BCAS3: variants seen among roughly 807,000 people sequenced by gnomAD.
BCAS3 encodes the protein BCAS4/BCAS3 fusion.
BCAS3 carries 53 observed loss-of-function variants against 116.1 expected under a neutral mutation model. The observed-to-expected ratio is 0.46, with a 90% CI of 0.37 to 0.57. BCAS3 has a LOEUF of 0.57. Ranked by LOEUF, BCAS3 falls within the 20% of genes least tolerant of loss-of-function variation. The pLI, the probability that BCAS3 is intolerant of heterozygous loss-of-function variation, is 0.00. For synonymous variants in BCAS3, 391 were observed against 408.2 expected (o/e 0.96, Z 0.51); for missense variants, 917 against 1,165.4 (o/e 0.79, Z 3.10).
Position 61,136,191 on chromosome 17 carries a change from A to G in BCAS3, c.2425+51627A>G, listed in dbSNP as rs1354341580. ...CGTGCTCTTCCCTCTACATAAAATC[A>G]TTTCTTTCCATCCTGAGTACCCATG... is the stretch of plus-strand genomic sequence containing the variant. On this transcript the variant is annotated intron_variant, in intron 22 of 23. Transcript: ENST00000407086. The surrounding 1 kb of genome is among the most constrained non-coding windows in gnomAD (Gnocchi z 4.4). 6.6e-6 allele frequency among the ~76,000 whole-genome samples: 1 copy of G among 152,008 alleles called. No individual in the cohort carries two copies. The highest frequency in any genetic ancestry group is 1.9e-4 in the East Asian group (1 of 5,194).
At position 61,387,286 on chromosome 17, in the gene BCAS3, G is replaced by A. The variant is rs1189505447; in HGVS notation, c.2594-4691G>A. Among the ~76,000 whole-genome samples the A allele has an allele frequency of 6.6e-6, 1 of 152,210 alleles. No homozygotes were observed. The highest frequency in any genetic ancestry group is 2.4e-5 in the African/African-American group (1 of 41,466). On this transcript the variant is annotated intron_variant, in intron 23 of 23. Transcript: ENST00000407086. The surrounding 1 kb of genome is among the most constrained non-coding windows in gnomAD (Gnocchi z 6.2). ...GCCCAGCTCAGGAGTAGGACAAGGTGTGGGCAGCCATGCCCTTGCCTCCTC... is the reference window on the plus strand; with the variant it reads ...GCCCAGCTCAGGAGTAGGACAAGGTATGGGCAGCCATGCCCTTGCCTCCTC...
chr17:61,231,274 TG>T (rs1456130128), intron 22 of BCAS3, among the ~76,000 whole-genome samples: 1 of 152,186 alleles, frequency 6.6e-6, no homozygotes, highest in Non-Finnish European at 1.5e-5. Context: ...CATTTTTTAG[TG>T]TTTTTAATTT....
At chr17:61,206,063 G>T (rs2081105149) in intron 22 of BCAS3, among the ~76,000 whole-genome samples, 1 of 152,116 alleles carries the variant, frequency 6.6e-6, no homozygotes, top group Non-Finnish European at 1.5e-5. Context: ...ACGTCTGTAG[G>T]TTTTTTTCAT....
At position 61,215,619 on chromosome 17, in the gene BCAS3, A is replaced by G. The variant is rs1428541028; in HGVS notation, c.2425+131055A>G. Among the ~76,000 whole-genome samples, 1 of 152,230 alleles carries G rather than the reference A, an allele frequency of 6.6e-6. No homozygotes were observed. The highest frequency in any genetic ancestry group is 1.5e-5 in the Non-Finnish European group (1 of 68,050). ...TTAAGCCACTTAAGCTCAAACTAAA[A>G]TTGTTAGAATTTAAAGAAGTGTGGA... On this transcript the variant is annotated intron_variant, in intron 22 of 23. Transcript: ENST00000407086. The surrounding 1 kb of genome is among the most constrained non-coding windows in gnomAD (Gnocchi z 4.8).
At chr17:60,755,835 T>C (rs932881256) in intron 6 of BCAS3, among the ~76,000 whole-genome samples, 1 of 152,232 alleles carries the variant, frequency 6.6e-6, no homozygotes, top group African/African-American at 2.4e-5. Flanking sequence ...TTTTACATGT[T>C]ATGCGGTACT....
At chr17:61,191,286 A>T (rs780856976) in intron 22 of BCAS3, among the ~76,000 whole-genome samples, 12 of 152,154 alleles carry the variant, frequency 7.9e-5, no homozygotes, top group Non-Finnish European at 1.2e-4. Flanking sequence ...GCCATAAAGT[A>T]ATACTTTAAT....
chr17:60,895,053 G>C (rs2145028575), intron 10 of BCAS3, among the ~76,000 whole-genome samples: 1 of 152,084 alleles, frequency 6.6e-6, no homozygotes, highest in South Asian at 2.1e-4. Context: ...GTCTGGTTTT[G>C]GTATCAGATG....
intron 6 of BCAS3, among the ~76,000 whole-genome samples, chr17:60,791,255 A>G (rs2046746110): frequency 6.6e-6 from 1 of 152,236 alleles, no homozygotes; most frequent in Admixed American, 6.5e-5. Flanking sequence ...GTTAAAAAGT[A>G]TTAGTTAAGT....
intron 6 of BCAS3, among the ~76,000 whole-genome samples, chr17:60,770,505 G>A (rs535649067): frequency 2.3e-5 from 3 of 132,288 alleles, no homozygotes; most frequent in Non-Finnish European, 4.7e-5. Flanking sequence ...TGCAACCTCC[G>A]ACTCCCTGGT....
intron 6 of BCAS3, among the ~76,000 whole-genome samples, chr17:60,777,798 T>C (rs949510664): frequency 1.3e-5 from 2 of 152,182 alleles, no homozygotes; most frequent in Non-Finnish European, 2.9e-5. Flanking sequence ...CGGAAGTCAT[T>C]ATCCATCATC....
rs139935568 is a variant in BCAS3, at chr17:61,169,904, T to C, written c.2425+85340T>C. 5.1e-3 allele frequency among the ~76,000 whole-genome samples: 781 copies of C among 151,804 alleles called. 5 individuals are homozygous for C. The highest frequency in any genetic ancestry group is 0.018 in the African/African-American group (745 of 41,418). On this transcript the variant is annotated intron_variant, in intron 22 of 23. Transcript: ENST00000407086. ...GAGTCTTGCACTGTCGCCCAGGCTG[T>C]AGTGCAGTGATGCGATCTTGGCTCA...
chr17:61,197,077 C>T (rs1484986044), intron 22 of BCAS3, among the ~76,000 whole-genome samples: 1 of 152,134 alleles, frequency 6.6e-6, no homozygotes, highest in African/African-American at 2.4e-5. Context: ...TAACAAATAC[C>T]GTTTTCCTGG....
chr17:61,196,170 A>G lies in BCAS3; in HGVS notation c.2425+111606A>G, dbSNP rs1024983830. Among the ~76,000 whole-genome samples, 1 of 152,202 alleles carries G rather than the reference A, an allele frequency of 6.6e-6. No homozygotes were observed. The highest frequency in any genetic ancestry group is 1.5e-5 in the Non-Finnish European group (1 of 68,030). ...TCTTGCTCTGACCCTATCTGAAATC[A>G]GTGTAGTCTGAACTACTAGAGAGAC... On this transcript the variant is annotated intron_variant, in intron 22 of 23. Transcript: ENST00000407086. This position sits in a 1 kb window ranked among gnomAD's most constrained non-coding sequence, Gnocchi z 4.7.
chr17:60,998,794 T>C (rs933913659), intron 15 of BCAS3, among the ~76,000 whole-genome samples: 2 of 152,174 alleles, frequency 1.3e-5, no homozygotes, highest in African/African-American at 4.8e-5. Flanking sequence ...GTTTACTCTG[T>C]TGATAGTCAG....
rs1300421828 is a variant in BCAS3, at chr17:60,889,705, A to G, written c.672A>G (p.Pro224=). The change falls in exon 10 of 24, where the codon CCA becomes CCG. Residue 224 remains proline (P), a synonymous_variant. Transcript: ENST00000407086. The part of the protein sequence containing the change: ...TKKFFVTSCY[P]CPGPNMNPIA... ...TTTGAAATTTTTCAGGCTGCTATCCATGTCCAGGGCCAAACATGAATCCTA... is the reference window on the plus strand; with the variant it reads ...TTTGAAATTTTTCAGGCTGCTATCCGTGTCCAGGGCCAAACATGAATCCTA... 2 of 1,613,100 alleles carry G rather than the reference A, an allele frequency of 1.2e-6. No individual in the cohort carries two copies. Among genetic ancestry groups the G allele is most frequent in the Non-Finnish European group, 1.7e-6 (2 of 1,179,842 alleles).
chr17:60,679,688 A>G, intron 2 of BCAS3, 148 bp downstream of exon 2: 1 of 683,710 alleles, frequency 1.5e-6, no homozygotes. Flanking sequence ...TGCCAAGACC[A>G]AATGAAGAAT....
intron 23 of BCAS3, among the ~76,000 whole-genome samples, chr17:61,370,123 A>G (rs905175525): frequency 1.3e-5 from 2 of 152,204 alleles, no homozygotes; most frequent in Non-Finnish European, 2.9e-5. Flanking sequence ...CCTGGCAGCA[A>G]TGCATCTGCC....
chr17:61,072,154 T>C (rs1161203544), intron 19 of BCAS3, among the ~76,000 whole-genome samples: 1 of 152,186 alleles, frequency 6.6e-6, no homozygotes. Flanking sequence ...TCTAGATGTA[T>C]ATTTGGAATC....
chr17:60,854,007 C>T (rs1421691352), intron 7 of BCAS3, among the ~76,000 whole-genome samples: 7 of 152,020 alleles, frequency 4.6e-5, no homozygotes, highest in African/African-American at 7.3e-5. Flanking sequence ...CCCATTGACT[C>T]GTCTTTTACA....
Sources: allele counts gnomAD v4.1 joint callset (sites outside exome capture counted in the v4.1 genomes callset), GRCh38; gene constraint gnomAD v4.1.1; non-coding constraint Gnocchi (gnomAD v3.1); transcripts MANE v1.5; gene names NCBI Gene and HGNC (gene_info 2026-07-23, HGNC 2026-07-21).